Variants in TENM2 observed in about 807,000 individuals in gnomAD.
The protein encoded by TENM2 is teneurin-2.
Under a neutral mutation model 245.2 loss-of-function variants are expected in TENM2, and 52 were observed. That is an observed-to-expected ratio of 0.21 (90% CI 0.17 to 0.27). The LOEUF is 0.27. Ranked by LOEUF, TENM2 falls within the 10% of genes least tolerant of loss-of-function variation. The pLI, the probability that TENM2 is intolerant of heterozygous loss-of-function variation, is 1.00. For missense variants in TENM2, 3,046 were observed against 3,666.8 expected (o/e 0.83, Z 4.37); for synonymous variants, 1,363 against 1,438.9 (o/e 0.95, Z 1.19).
In TENM2 at chr5:167,479,918, G is replaced by C. The variant is rs556769094; in HGVS notation, c.502+104445G>C. Among the ~76,000 whole-genome samples the C allele has an allele frequency of 2.4e-4, 36 of 152,292 alleles. No individual in the cohort carries two copies. In the South Asian group the frequency reaches 7.5e-3, roughly 32 times the overall value. On this transcript the variant is annotated intron_variant, in intron 2 of 28. Coordinates refer to ENST00000518659, the Ensembl canonical transcript of TENM2. ...TTAACATTTTAATGCATGACTGTTT[G>C]AATGGTTTAAAATACAGATTTCTGG...
chr5:167,824,717 A>T (rs1767814770), intron 2 of TENM2, among the ~76,000 whole-genome samples: 1 of 152,228 alleles, frequency 6.6e-6, no homozygotes, highest in African/African-American at 2.4e-5. Flanking sequence ...CATAAATCTG[A>T]GACAGACAGC....
At chr5:168,126,632 A>C in intron 11 of TENM2, 122 bp from the exon 14 acceptor site, 1 of 703,020 alleles carries the variant, frequency 1.4e-6, no homozygotes, top group Non-Finnish European at 2.4e-6. Context: ...AAGCCTCCAA[A>C]GATGACAGAG....
chr5:167,365,133 C>T (rs748329528), intron 1 of TENM2, among the ~76,000 whole-genome samples: 7 of 151,894 alleles, frequency 4.6e-5, no homozygotes, highest in Non-Finnish European at 8.8e-5. Context: ...ATTTAGAAAT[C>T]GGTATCAATC....
chr5:168,031,763 G>C (rs1787167230), intron 5 of TENM2, among the ~76,000 whole-genome samples: 3 of 147,046 alleles, frequency 2.0e-5, no homozygotes, highest in Admixed American at 2.0e-4. Context: ...GAGGAAAGGA[G>C]GAAGGGAAGG....
At chr5:167,540,120 G>C (rs1054356835) in intron 2 of TENM2, among the ~76,000 whole-genome samples, 2 of 152,060 alleles carry the variant, frequency 1.3e-5, no homozygotes, top group African/African-American at 2.4e-5. Flanking sequence ...GTAAATTTAG[G>C]CTCAAGCAAC....
intron 5 of TENM2, 50 bp downstream of exon 7, chr5:167,993,232 G>A (rs1580994196): frequency 6.8e-7 from 1 of 1,476,270 alleles, no homozygotes; most frequent in Non-Finnish European, 9.4e-7. Context: ...CAACATGAGG[G>A]GAGAGGCCAT....
intron 3 of TENM2, among the ~76,000 whole-genome samples, chr5:167,945,575 G>C (rs374050630): frequency 6.6e-6 from 1 of 152,144 alleles, no homozygotes; most frequent in Non-Finnish European, 1.5e-5. Context: ...AGTCCTTTAC[G>C]AACGTAGGCA....
At chr5:167,663,142 G>GAA (rs2150328473) in intron 2 of TENM2, among the ~76,000 whole-genome samples, 1 of 18,526 alleles carries the variant, frequency 5.4e-5, no homozygotes, top group Non-Finnish European at 1.1e-4. Flanking sequence ...TGGGGATGGG[G>GAA]AGAGAGAGAG....
At chr5:167,236,321 A>G in the TENM2 span, among the ~76,000 whole-genome samples, 3 of 152,166 alleles carry the variant, frequency 2.0e-5, no homozygotes, top group Non-Finnish European at 4.4e-5. Context: ...TCAAAGAACC[A>G]CAATTTATGG....
At chr5:168,171,805 A>G (rs1232878822) in intron 13 of TENM2, among the ~76,000 whole-genome samples, 1 of 152,218 alleles carries the variant, frequency 6.6e-6, no homozygotes, top group African/African-American at 2.4e-5. Flanking sequence ...GACTTATTTT[A>G]GGGAATTAAA....
intron 4 of TENM2, among the ~76,000 whole-genome samples, chr5:167,957,171 A>G (rs1459479714): frequency 1.3e-5 from 2 of 151,994 alleles, no homozygotes; most frequent in African/African-American, 2.4e-5. Flanking sequence ...TGGTCTATTC[A>G]GGGATTCGAC....
chr5:167,939,128 C>T (rs75777436), intron 3 of TENM2, among the ~76,000 whole-genome samples: 1 of 152,060 alleles, frequency 6.6e-6, no homozygotes, highest in Non-Finnish European at 1.5e-5. Flanking sequence ...TTTCTAGGCT[C>T]TATACAACAG....
intron 2 of TENM2, among the ~76,000 whole-genome samples, chr5:167,816,263 T>G (rs887178543): frequency 3.9e-5 from 6 of 152,090 alleles, no homozygotes; most frequent in African/African-American, 1.2e-4. Context: ...CCCTTTGATC[T>G]CTCTACCTGC....
chr5:167,940,414 A>G (rs959195121), intron 3 of TENM2, among the ~76,000 whole-genome samples: 1 of 152,186 alleles, frequency 6.6e-6, no homozygotes, highest in Admixed American at 6.5e-5. Flanking sequence ...TGAGTTTTTT[A>G]AAAAATGGGT....
chr5:167,772,844 T>C (rs1763493040), intron 2 of TENM2, among the ~76,000 whole-genome samples: 1 of 152,224 alleles, frequency 6.6e-6, no homozygotes, highest in African/African-American at 2.4e-5. Context: ...TTTGGAAGTA[T>C]ATTTTACACG....
At chr5:167,431,651 A>G (rs1764226593) in intron 2 of TENM2, among the ~76,000 whole-genome samples, 1 of 151,926 alleles carries the variant, frequency 6.6e-6, no homozygotes, top group Non-Finnish European at 1.5e-5. Flanking sequence ...ATCTACATCT[A>G]TCTATATACA....
chr5:167,542,528 G>C (rs1029474588), intron 2 of TENM2, among the ~76,000 whole-genome samples: 5 of 152,032 alleles, frequency 3.3e-5, no homozygotes, highest in Non-Finnish European at 5.9e-5. Context: ...CCAAATGTTA[G>C]TGAACCTCTC....
chr5:167,552,541 C>CA (rs1229480600), intron 2 of TENM2, among the ~76,000 whole-genome samples: 3 of 151,976 alleles, frequency 2.0e-5, no homozygotes, highest in Non-Finnish European at 2.9e-5. Context: ...CCGCCGCCCA[C>CA]AAAAAAGGGA....
chr5:167,874,256 A>G (rs1409518623), intron 2 of TENM2, among the ~76,000 whole-genome samples: 2 of 152,186 alleles, frequency 1.3e-5, no homozygotes, highest in East Asian at 1.9e-4. Flanking sequence ...CCACTAGACT[A>G]TAAGCTCTCT....
Sources: gnomAD v4.1 joint callset for allele counts (sites outside exome capture counted in the v4.1 genomes callset) on GRCh38, gnomAD v4.1.1 for gene constraint, MANE v1.5 for transcripts, NCBI Gene and HGNC (gene_info 2026-07-23, HGNC 2026-07-21) for gene names.